FOS: variants seen among roughly 807,000 people sequenced by gnomAD.
The protein encoded by FOS is protein c-Fos.
In FOS, 9 loss-of-function variants were observed where a neutral mutation model predicts 27.2. The ratio of observed to expected loss-of-function variants is 0.33; its 90% CI spans 0.20 to 0.58. The LOEUF (loss-of-function observed/expected upper bound fraction) is 0.58. Ranked by LOEUF, FOS falls within the 20% of genes least tolerant of loss-of-function variation. FOS has a pLI of 0.87. For missense variants in FOS, 405 were observed against 483.5 expected (o/e 0.84, Z 1.52); for synonymous variants, 213 against 205.1 (o/e 1.04, Z -0.33).
rs200415205 is a variant in FOS, at chr14:75,279,888, G to A, written c.153G>A (p.Thr51=). The part of the protein sequence containing the change: ...GSPVNAQDFC[T]DLAVSSANFI... ...CTGTTTTGTTCTAGGACTTCTGCAC[G>A]GACCTGGCCGTCTCCAGTGCCAACT... The change falls in exon 2 of 4, where the codon ACG becomes ACA. Residue 51 remains threonine (T), a synonymous_variant. Transcript: ENST00000303562. This position sits in a 1 kb window ranked among gnomAD's most constrained non-coding sequence, Gnocchi z 5.4. 277 of 1,606,030 alleles carry A rather than the reference G, an allele frequency of 1.7e-4. No individual in the cohort carries two copies. Among genetic ancestry groups the A allele is most frequent in the Non-Finnish European group, 2.3e-4 (270 of 1,174,678 alleles).
Position 75,280,038 on chromosome 14 carries a change from C to G in FOS, c.303C>G (p.Pro101=). 1 of 1,614,194 alleles carries G rather than the reference C, an allele frequency of 6.2e-7. No homozygotes were observed. Among genetic ancestry groups the G allele is most frequent in the Non-Finnish European group, 8.5e-7 (1 of 1,180,034 alleles). ...CTCACCCTTTCGGAGTCCCCGCCCCCTCCGCTGGGGCTTACTCCAGGGCTG... is the reference window on the plus strand; with the variant it reads ...CTCACCCTTTCGGAGTCCCCGCCCCGTCCGCTGGGGCTTACTCCAGGGCTG... The part of the protein sequence containing the change: ...RAPHPFGVPA[P]SAGAYSRAGV... Residue 101 remains proline, a synonymous_variant, in exon 2 of 4, where the codon CCC becomes CCG. Transcript: ENST00000303562.
At position 75,278,986 on chromosome 14, in the gene FOS, A is replaced by G; in HGVS notation, c.4A>G (p.Met2Val). 1 of 1,613,348 alleles carries G rather than the reference A, an allele frequency of 6.2e-7. No homozygotes were observed. Among genetic ancestry groups the G allele is most frequent in the South Asian group, 1.1e-5 (1 of 91,058 alleles). The change falls in exon 1 of 4, where the codon ATG becomes GTG. Residue 2 changes from methionine (M) to valine (V), a missense_variant. By Grantham distance (21) the Met-to-Val change is conservative (BLOSUM62 1). Coordinates refer to ENST00000303562, the MANE Select transcript of FOS (RefSeq NM_005252.4). This position sits in a 1 kb window ranked among gnomAD's most constrained non-coding sequence, Gnocchi z 4.1. Reference protein sequence around the residue: MMFSGFNADYEA... With the variant: MVFSGFNADYEA... ...CCGGCTTTGCCTAACCGCCACGATG[A>G]TGTTCTCGGGCTTCAACGCAGACTA... is the stretch of plus-strand genomic sequence containing the variant.
rs763261915 is a variant in FOS at position 75,281,001 on chromosome 14, C to T, written c.720C>T (p.Thr240=). 1 of 1,614,080 alleles carries T rather than the reference C, an allele frequency of 6.2e-7. No individual in the cohort carries two copies. The highest frequency in any genetic ancestry group is 1.1e-5 in the South Asian group (1 of 91,080). ...CCCCGGAGTCTGAGGAGGCCTTCAC[C>T]CTGCCTCTCCTCAATGACCCTGAGC... ...VATPESEEAF[T]LPLLNDPEPK... The change falls in exon 4 of 4, where the codon ACC becomes ACT. Residue 240 remains threonine, a synonymous_variant. Coordinates refer to ENST00000303562, the MANE Select transcript of FOS (RefSeq NM_005252.4). The surrounding 1 kb of genome is among the most constrained non-coding windows in gnomAD (Gnocchi z 4.7).
chr14:75,280,987 G>A lies in FOS; in HGVS notation c.706G>A (p.Glu236Lys). ...GCCAGAGGTTGCCACCCCGGAGTCT[G>A]AGGAGGCCTTCACCCTGCCTCTCCT... ...GLPEVATPES[E>K]EAFTLPLLND... Residue 236 changes from glutamate (E) to lysine (K), a missense_variant, in exon 4 of 4, where the codon GAG becomes AAG. Glu to Lys is a moderately conservative substitution (Grantham distance 56, BLOSUM62 1). Coordinates refer to ENST00000303562, the MANE Select transcript of FOS (RefSeq NM_005252.4). The A allele has an allele frequency of 6.2e-7, 1 of 1,614,174 alleles. No homozygotes were observed. Among genetic ancestry groups the A allele is most frequent in the Non-Finnish European group, 8.5e-7 (1 of 1,180,034 alleles).
chr14:75,281,653 T>C lies in FOS; in HGVS notation c.*229T>C. The C allele has an allele frequency of 1.8e-6, 1 of 568,322 alleles. No individual in the cohort carries two copies. 35.2% of individuals were successfully genotyped at this position (568,322 alleles called of 1,614,324 possible). On this transcript the variant is annotated 3_prime_UTR_variant, in exon 4 of 4. Coordinates refer to ENST00000303562, the MANE Select transcript of FOS (RefSeq NM_005252.4). This position sits in a 1 kb window ranked among gnomAD's most constrained non-coding sequence, Gnocchi z 4.7. ...TGTAGCAAAACGCATGGAGTGTGTA[T>C]TGTTCCCAGTGACACTTCAGAGAGC...
At position 75,280,114 on chromosome 14, in the gene FOS, G is replaced by C; in HGVS notation, c.379G>C (p.Gly127Arg). The change falls in exon 2 of 4, where the codon GGC (glycine) becomes CGC (arginine). Residue 127 changes from glycine to arginine, a missense_variant. Transcript: ENST00000303562. ...GGRAQSIGRR[G>R]KVEQLSPEEE... ...CCGAGCGCAGAGCATTGGCAGGAGG[G>C]GCAAGGTGGAACAGGTGAGGAACTC... is the stretch of plus-strand genomic sequence containing the variant. 1 of 1,613,904 alleles carries C rather than the reference G, an allele frequency of 6.2e-7. No homozygotes were observed. The highest frequency in any genetic ancestry group is 8.5e-7 in the Non-Finnish European group (1 of 1,180,012).
Position 75,279,673 on chromosome 14 carries a change from C to A in FOS, c.142-204C>A. The A allele has an allele frequency of 1.7e-6, 1 of 605,170 alleles. No individual in the cohort carries two copies. Among genetic ancestry groups the A allele is most frequent in the Admixed American group, 2.9e-5 (1 of 34,000 alleles). The allele number at this position is 605,170 out of a possible 1,614,324, so 37.5% of individuals were successfully genotyped here. On this transcript the variant is annotated intron_variant, in intron 1 of 3. Transcript: ENST00000303562. The surrounding 1 kb of genome is among the most constrained non-coding windows in gnomAD (Gnocchi z 5.4). ...TGAAGGGATAACGGGAACGCAGCGG[C>A]AGGATGGAAGAGACAGGCACTGCGC...
chr14:75,279,314 T>C lies in FOS; in HGVS notation c.141+191T>C, dbSNP rs1897199268. On this transcript the variant is annotated intron_variant, in intron 1 of 3. Coordinates refer to ENST00000303562, the MANE Select transcript of FOS (RefSeq NM_005252.4). This position sits in a 1 kb window ranked among gnomAD's most constrained non-coding sequence, Gnocchi z 5.4. ...GCACGCACGCTTGCCATAGTAAGAA[T>C]TGGTTCCCCCTTCGGGAGGCAGGTT... The C allele has an allele frequency of 2.7e-6, 2 of 731,262 alleles. No homozygotes were observed. Among genetic ancestry groups the C allele is most frequent in the Non-Finnish European group, 4.4e-6 (2 of 450,756 alleles). The allele number at this position is 731,262 out of a possible 1,614,324, so 45.3% of individuals were successfully genotyped here.
chr14:75,281,605 C>G lies in FOS; in HGVS notation c.*181C>G. On this transcript the variant is annotated 3_prime_UTR_variant, in exon 4 of 4. Coordinates refer to ENST00000303562, the MANE Select transcript of FOS (RefSeq NM_005252.4). This position sits in a 1 kb window ranked among gnomAD's most constrained non-coding sequence, Gnocchi z 4.7. ...ACTTGAAAGCATCCATGTGTGGACT[C>G]AAGTCCTTACCTCTTCCGGAGATGT... 3.1e-6 allele frequency: 2 copies of G among 645,382 alleles called. No homozygotes were observed. The highest frequency in any genetic ancestry group is 2.7e-5 in the East Asian group (1 of 36,478). 40.0% of individuals were successfully genotyped at this position (645,382 alleles called of 1,614,324 possible). A position where few individuals can be genotyped will look rare whatever the true frequency, so the allele number is the denominator to read the frequency against.
rs760763610 is a variant in FOS at position 75,279,047 on chromosome 14, C to T, written c.65C>T (p.Pro22Leu). 1.2e-6 allele frequency: 2 copies of T among 1,613,742 alleles called. No individual in the cohort carries two copies. Among genetic ancestry groups the T allele is most frequent in the East Asian group, 2.2e-5 (1 of 44,864 alleles). The change falls in exon 1 of 4, where the codon CCG becomes CTG. Residue 22 changes from proline to leucine, a missense_variant. Transcript: ENST00000303562. The surrounding 1 kb of genome is among the most constrained non-coding windows in gnomAD (Gnocchi z 5.4). ...ASSSRCSSAS[P>L]AGDSLSYYHS... ...TCCTCCCGCTGCAGCAGCGCGTCCC[C>T]GGCCGGGGATAGCCTCTCTTACTAC... is the stretch of plus-strand genomic sequence containing the variant.
intron 2 of FOS, 194 bp downstream of exon 2, chr14:75,280,322 G>A: frequency 2.7e-6 from 2 of 749,894 alleles, no homozygotes; most frequent in Non-Finnish European, 4.4e-6. Flanking sequence ...TACTCTCATA[G>A]TTTCTTCCCT....
In FOS at chr14:75,279,006, A is replaced by G. The variant is rs1594901393; in HGVS notation, c.24A>G (p.Ala8=). 1 of 1,613,620 alleles carries G rather than the reference A, an allele frequency of 6.2e-7. No homozygotes were observed. Among genetic ancestry groups the G allele is most frequent in the East Asian group, 2.2e-5 (1 of 44,846 alleles). MMFSGFN[A]DYEASSSRCS... ...CGATGATGTTCTCGGGCTTCAACGC[A>G]GACTACGAGGCGTCATCCTCCCGCT... The change falls in exon 1 of 4, where the codon GCA becomes GCG. Residue 8 remains alanine, a synonymous_variant. Transcript: ENST00000303562. This position sits in a 1 kb window ranked among gnomAD's most constrained non-coding sequence, Gnocchi z 5.4.
chr14:75,279,049 G>T lies in FOS; in HGVS notation c.67G>T (p.Ala23Ser). 6.2e-7 allele frequency: 1 copy of T among 1,613,710 alleles called. No homozygotes were observed. The highest frequency in any genetic ancestry group is 8.5e-7 in the Non-Finnish European group (1 of 1,179,938). ...SSSRCSSASP[A>S]GDSLSYYHSP... is the part of the protein sequence containing the mutation. The stretch of plus-strand genomic sequence containing the variant: ...CTCCCGCTGCAGCAGCGCGTCCCCG[G>T]CCGGGGATAGCCTCTCTTACTACCA... Residue 23 changes from alanine (A) to serine (S), a missense_variant, in exon 1 of 4, where the codon GCC (alanine) becomes TCC (serine). Physicochemically the swap from Ala to Ser is moderately conservative, Grantham distance 99. Transcript: ENST00000303562. The surrounding 1 kb of genome is among the most constrained non-coding windows in gnomAD (Gnocchi z 5.4).
In FOS at chr14:75,279,780, G is replaced by T. The variant is rs921207034; in HGVS notation, c.142-97G>T. 2 of 1,384,222 alleles carry T rather than the reference G, an allele frequency of 1.4e-6. No homozygotes were observed. Among genetic ancestry groups the T allele is most frequent in the Non-Finnish European group, 2.0e-6 (2 of 1,014,198 alleles). The allele number at this position is 1,384,222 out of a possible 1,614,324, so 85.7% of individuals were successfully genotyped here. On this transcript the variant is annotated intron_variant, in intron 1 of 3. Transcript: ENST00000303562. The surrounding 1 kb of genome is among the most constrained non-coding windows in gnomAD (Gnocchi z 5.4). The stretch of plus-strand genomic sequence containing the variant: ...AAGATGAAATGTCCGTGGCAGGATC[G>T]TTTCTCTTCACTGCTGCATGCGGCA...
chr14:75,279,587 G>T lies in FOS; in HGVS notation c.142-290G>T. 2.0e-6 allele frequency: 1 copy of T among 490,190 alleles called. No homozygotes were observed. Among genetic ancestry groups the T allele is most frequent in the Non-Finnish European group, 3.6e-6 (1 of 276,268 alleles). The allele number at this position is 490,190 out of a possible 1,614,324, so 30.4% of individuals were successfully genotyped here. A position where few individuals can be genotyped will look rare whatever the true frequency, so the allele number is the denominator to read the frequency against. On this transcript the variant is annotated intron_variant, in intron 1 of 3. Transcript: ENST00000303562. The surrounding 1 kb of genome is among the most constrained non-coding windows in gnomAD (Gnocchi z 5.4). ...TTCATTCTGGAGACTCCGGAGCGGC[G>T]CCTGCGTCAGCGCAGACGTCAGGGA...
Position 75,278,861 on chromosome 14 carries a change from G to C in FOS, c.-122G>C, listed in dbSNP as rs1897191921. Reference sequence around the variant, plus strand: ...CTGCAGCGAGCATCTGAGAAGCCAAGACTGAGCCGGCGGCCGCGGCGCAGC... The same window carrying C: ...CTGCAGCGAGCATCTGAGAAGCCAACACTGAGCCGGCGGCCGCGGCGCAGC... On this transcript the variant is annotated 5_prime_UTR_variant, in exon 1 of 4. Transcript: ENST00000303562. The surrounding 1 kb of genome is among the most constrained non-coding windows in gnomAD (Gnocchi z 4.1). 2.5e-6 allele frequency: 3 copies of C among 1,213,136 alleles called. No individual in the cohort carries two copies. The highest frequency in any genetic ancestry group is 3.5e-6 in the Non-Finnish European group (3 of 862,692). The allele number at this position is 1,213,136 out of a possible 1,614,324, so 75.1% of individuals were successfully genotyped here.
chr14:75,279,220 C>T lies in FOS; in HGVS notation c.141+97C>T. The T allele has an allele frequency of 2.6e-6, 4 of 1,526,064 alleles. No individual in the cohort carries two copies. The highest frequency in any genetic ancestry group is 3.6e-6 in the Non-Finnish European group (4 of 1,126,102). The allele number at this position is 1,526,064 out of a possible 1,614,324, so 94.5% of individuals were successfully genotyped here. On this transcript the variant is annotated intron_variant, in intron 1 of 3. Transcript: ENST00000303562. The surrounding 1 kb of genome is among the most constrained non-coding windows in gnomAD (Gnocchi z 5.4). ...CTCCAGTAGATGAGTAGGGGGCTCC[C>T]TTGTGCCTGGAGGGAGGCTGCCGTG...
In FOS at chr14:75,279,254, G is replaced by A; in HGVS notation, c.141+131G>A. 7.9e-7 allele frequency: 1 copy of A among 1,262,846 alleles called. No homozygotes were observed. Among genetic ancestry groups the A allele is most frequent in the Non-Finnish European group, 1.1e-6 (1 of 908,512 alleles). The allele number at this position is 1,262,846 out of a possible 1,614,324, so 78.2% of individuals were successfully genotyped here. Reference sequence around the variant, plus strand: ...GGAGGGAGGCTGCCGTGGCCGGAGCGGTGCCGGCTCGGGGGCTCGGGACTT... The same window carrying A: ...GGAGGGAGGCTGCCGTGGCCGGAGCAGTGCCGGCTCGGGGGCTCGGGACTT... On this transcript the variant is annotated intron_variant, in intron 1 of 3. Coordinates refer to ENST00000303562, the MANE Select transcript of FOS (RefSeq NM_005252.4). The surrounding 1 kb of genome is among the most constrained non-coding windows in gnomAD (Gnocchi z 5.4).
Position 75,279,865 on chromosome 14 carries a change from GT to G in FOS, c.142-8del. On this transcript the variant is annotated splice_polypyrimidine_tract_variant and intron_variant, in intron 1 of 3. Coordinates refer to ENST00000303562, the MANE Select transcript of FOS (RefSeq NM_005252.4). This position sits in a 1 kb window ranked among gnomAD's most constrained non-coding sequence, Gnocchi z 5.4. The stretch of plus-strand genomic sequence containing the variant: ...TCGCTCACGTCGGCTTTCCCCTTCT[GT>G]TTTGTTCTAGGACTTCTGCACGGAC... The G allele has an allele frequency of 6.3e-7, 1 of 1,580,164 alleles. No individual in the cohort carries two copies. Among genetic ancestry groups the G allele is most frequent in the Non-Finnish European group, 8.6e-7 (1 of 1,158,750 alleles).
Sources: allele counts gnomAD v4.1 joint callset, GRCh38; gene constraint gnomAD v4.1.1; non-coding constraint Gnocchi (gnomAD v3.1); transcripts MANE v1.5; gene names NCBI Gene and HGNC (gene_info 2026-07-23, HGNC 2026-07-21).